The following CFAP47 variants were observed in gnomAD, a reference collection of about 807,000 sequenced individuals.
The protein encoded by CFAP47 is cilia- and flagella-associated protein 47.
In CFAP47, 29 loss-of-function variants were observed where a neutral mutation model predicts 148.1. That is an observed-to-expected ratio of 0.20 (90% CI 0.15 to 0.27). The LOEUF is 0.27. CFAP47 is among the 10% of genes least tolerant of loss of function. The pLI is 1.00. For missense variants in CFAP47, 1,872 were observed against 1,697.5 expected, an observed-to-expected ratio of 1.10 and a Z score of -1.81; for synonymous variants, 664 against 577.3, an observed-to-expected ratio of 1.15 and a Z score of -2.15.
chrX:36,128,521 G>T, intron 33 of CFAP47, among the ~76,000 whole-genome samples: 2 of 110,961 alleles, frequency 1.8e-5, no homozygotes. Flanking sequence ...CTACAATATT[G>T]CTTGAAACTC....
chrX:35,925,385 T>A (rs1365237264), intron 1 of CFAP47, among the ~76,000 whole-genome samples: 1 of 109,116 alleles, frequency 9.2e-6, no homozygotes, highest in Non-Finnish European at 1.9e-5. Flanking sequence ...AAAAAAAAAA[T>A]AATAATGTAT....
intron 62 of CFAP47, among the ~76,000 whole-genome samples, chrX:36,368,250 A>G (rs1941897426): frequency 8.9e-6 from 1 of 112,084 alleles, no homozygotes; most frequent in Non-Finnish European, 1.9e-5. Flanking sequence ...AAGTCACTAA[A>G]TGAGCAGAGT....
rs762577886 is a variant in CFAP47 at position 36,146,717 on chromosome X, A to G, written c.5670+1364A>G. Among the ~76,000 whole-genome samples the G allele has an allele frequency of 9.9e-5, 11 of 110,866 alleles. No individual in the cohort carries two copies. In the South Asian group the frequency reaches 4.2e-3, roughly 42 times the overall value. On this transcript the variant is annotated intron_variant, in intron 36 of 63. Coordinates refer to ENST00000378653, the MANE Select transcript of CFAP47 (RefSeq NM_001304548.2). The stretch of plus-strand genomic sequence containing the variant: ...GTCGTTCTTACCACCAACCCTATCA[A>G]TGTTACAGAATATAGCAAAATCTCC...
intron 22 of CFAP47, among the ~76,000 whole-genome samples, chrX:36,026,393 T>A (rs1270698678): frequency 9.0e-6 from 1 of 111,632 alleles, no homozygotes; most frequent in Non-Finnish European, 1.9e-5. Flanking sequence ...AATTAACATA[T>A]CCGTCATATC....
intron 29 of CFAP47, among the ~76,000 whole-genome samples, chrX:36,075,157 G>A (rs962496090): frequency 9.1e-6 from 1 of 110,183 alleles, no homozygotes; most frequent in Non-Finnish European, 1.9e-5. Context: ...GGATCATGTG[G>A]TAGCTTTATT....
intron 2 of CFAP47, among the ~76,000 whole-genome samples, chrX:35,939,498 T>G (rs1368039335): frequency 2.2e-5 from 2 of 90,931 alleles, no homozygotes. Flanking sequence ...CCTGTGTCCA[T>G]GTGTTCTCAT....
chrX:36,018,176 T>A (rs1262324906), intron 22 of CFAP47, among the ~76,000 whole-genome samples: 1 of 112,198 alleles, frequency 8.9e-6, no homozygotes. Context: ...TGTTTGCTAT[T>A]GGCATATAGA....
chrX:36,176,821 C>G (rs1242602108), intron 39 of CFAP47, among the ~76,000 whole-genome samples: 1 of 112,362 alleles, frequency 8.9e-6, no homozygotes, highest in Non-Finnish European at 1.9e-5. Context: ...GGAAGAATCA[C>G]TTGAACCTGG....
rs368056515 is a variant in CFAP47, at chrX:35,971,591, G to T, written c.1976G>T (p.Arg659Leu). Residue 659 changes from arginine (R) to leucine (L), a missense_variant, in exon 12 of 64, where the codon CGC becomes CTC. Arg to Leu is a moderately radical substitution (Grantham distance 102). Transcript: ENST00000378653. ...TATTATTATTAATTTTATAGGGAGC[G>T]CATGTATTCATATGATGATACAGAC... ...RLQKKQAERE[R>L]MYSYDDTDIG... 2 of 1,109,346 alleles carry T rather than the reference G, an allele frequency of 1.8e-6. No homozygotes were observed. Among genetic ancestry groups the T allele is most frequent in the East Asian group, 3.3e-5 (1 of 30,625 alleles). 91.4% of individuals were successfully genotyped at this position (1,109,346 alleles called of 1,213,427 possible). A position where few individuals can be genotyped will look rare whatever the true frequency, so the allele number is the denominator to read the frequency against.
intron 25 of CFAP47, among the ~76,000 whole-genome samples, chrX:36,045,784 A>C: frequency 8.9e-6 from 1 of 111,929 alleles, no homozygotes; most frequent in East Asian, 2.8e-4. Context: ...TTAATCTCTT[A>C]ATTTTTCAAC....
chrX:36,181,454 A>T (rs1939749073), intron 40 of CFAP47, among the ~76,000 whole-genome samples: 1 of 111,796 alleles, frequency 8.9e-6, no homozygotes, highest in African/African-American at 3.2e-5. Context: ...GGAAGTACTC[A>T]TCCCAAATAA....
In CFAP47 at chrX:35,952,724, G is replaced by A. The variant is rs184889785; in HGVS notation, c.1046+761G>A. ...TTGTTCTATATGTAAATCCACAATT[G>A]CCTTATTAATGATACCTTCATACAA... On this transcript the variant is annotated intron_variant, in intron 6 of 63. Transcript: ENST00000378653. 4.0e-3 allele frequency among the ~76,000 whole-genome samples: 448 copies of A among 111,810 alleles called. 5 individuals are homozygous for A. Among genetic ancestry groups the A allele is most frequent in the African/African-American group, 0.014 (439 of 30,791 alleles).
At position 36,361,481 on chromosome X, in the gene CFAP47, C is replaced by G; in HGVS notation, c.9003C>G (p.Phe3001Leu). 1.9e-6 allele frequency: 2 copies of G among 1,047,024 alleles called. No homozygotes were observed. Among genetic ancestry groups the G allele is most frequent in the Non-Finnish European group, 2.6e-6 (2 of 783,271 alleles). 86.3% of individuals were successfully genotyped at this position (1,047,024 alleles called of 1,213,427 possible). A position where few individuals can be genotyped will look rare whatever the true frequency, so the allele number is the denominator to read the frequency against. ...KRITFIFNLV[F>L]TPKKPLRSHI... Reference sequence around the variant, plus strand: ...TAACATTTATCTTCAATCTGGTATTCACACCAAAGAAACCATTAAGGTAAA... The same window carrying G: ...TAACATTTATCTTCAATCTGGTATTGACACCAAAGAAACCATTAAGGTAAA... The change falls in exon 61 of 64, where the codon TTC becomes TTG. Residue 3001 changes from phenylalanine (F) to leucine (L), a missense_variant. Phe to Leu is a conservative substitution (Grantham distance 22, BLOSUM62 0). Coordinates refer to ENST00000378653, the MANE Select transcript of CFAP47 (RefSeq NM_001304548.2).
At chrX:36,246,658 G>T (rs1555997076) in intron 48 of CFAP47, among the ~76,000 whole-genome samples, 1 of 111,105 alleles carries the variant, frequency 9.0e-6, no homozygotes, top group Non-Finnish European at 1.9e-5. Context: ...TTGATACGTG[G>T]GGATTATGGG....
intron 33 of CFAP47, among the ~76,000 whole-genome samples, chrX:36,133,381 G>T (rs1005667903): frequency 1.4e-4 from 16 of 111,043 alleles, no homozygotes; most frequent in African/African-American, 5.2e-4. Context: ...GTTTATTTGG[G>T]TCATGACTCT....
chrX:36,074,548 T>C (rs1937812049), intron 29 of CFAP47, among the ~76,000 whole-genome samples: 3 of 112,020 alleles, frequency 2.7e-5, no homozygotes, highest in African/African-American at 9.7e-5. Context: ...ACAATAACTT[T>C]TCTTCATAAA....
chrX:36,302,868 A>T, intron 53 of CFAP47, among the ~76,000 whole-genome samples: 2 of 112,354 alleles, frequency 1.8e-5, no homozygotes, highest in Non-Finnish European at 1.9e-5. Context: ...CAATAAGTAA[A>T]CATTATTCCT....
chrX:36,362,676 A>G (rs1271797088), intron 61 of CFAP47, among the ~76,000 whole-genome samples: 1 of 111,556 alleles, frequency 9.0e-6, no homozygotes, highest in Non-Finnish European at 1.9e-5. Flanking sequence ...ATAATGATCT[A>G]TTTTTCTTTG....
At position 36,098,877 on chromosome X, in the gene CFAP47, A is replaced by G; in HGVS notation, c.4998+3A>G. On this transcript the variant is annotated splice_donor_region_variant and intron_variant, in intron 31 of 63. Transcript: ENST00000378653. ...ATAAGAGGTGGATTGAAATTATGGT[A>G]AGAAAATATAATTTCTTGGAACAAA... 1 of 1,053,549 alleles carries G rather than the reference A, an allele frequency of 9.5e-7. No homozygotes were observed. The highest frequency in any genetic ancestry group is 1.3e-6 in the Non-Finnish European group (1 of 761,373). 86.8% of individuals were successfully genotyped at this position (1,053,549 alleles called of 1,213,427 possible).
Sources: allele counts gnomAD v4.1 joint callset (sites outside exome capture counted in the v4.1 genomes callset), GRCh38; gene constraint gnomAD v4.1.1; transcripts MANE v1.5; gene names NCBI Gene and HGNC (gene_info 2026-07-23, HGNC 2026-07-21).